Variants in PCDH7 observed in about 807,000 individuals in gnomAD.
PCDH7 encodes protocadherin-7.
In PCDH7, 17 loss-of-function variants were observed where a neutral mutation model predicts 58.9. The observed-to-expected ratio is 0.29, with a 90% confidence interval of 0.20 to 0.43. The LOEUF (loss-of-function observed/expected upper bound fraction) is 0.43, where lower values mean the gene tolerates loss of function less well. Among genes scored for constraint, PCDH7 ranks in the 20% least tolerant of loss-of-function variants. The pLI is 1.00. For synonymous variants in PCDH7, 664 were observed against 616.4 expected (o/e 1.08, Z -1.14); for missense variants, 1,274 against 1,441.0 (o/e 0.88, Z 1.88).
At chr4:31,079,005 G>C (rs986765759) in intron 3 of PCDH7, among the ~76,000 whole-genome samples, 2 of 151,696 alleles carry the variant, frequency 1.3e-5, no homozygotes, top group Admixed American at 6.6e-5. Context: ...TGTGATAATT[G>C]GGTGTAGGAA....
intron 1 of PCDH7, among the ~76,000 whole-genome samples, chr4:30,811,789 A>G (rs138066122): frequency 5.9e-5 from 9 of 152,318 alleles, no homozygotes; most frequent in African/African-American, 2.2e-4. Flanking sequence ...AGGGGCCATG[A>G]AAGTCCTAAT....
At chr4:31,010,628 C>T (rs1753099772) in intron 3 of PCDH7, among the ~76,000 whole-genome samples, 1 of 151,812 alleles carries the variant, frequency 6.6e-6, no homozygotes. Flanking sequence ...TGCATTTCAC[C>T]TAACACTAAA....
chr4:31,062,392 G>A (rs61794082), intron 3 of PCDH7, among the ~76,000 whole-genome samples: 259 of 151,770 alleles, frequency 1.7e-3, no homozygotes, highest in Non-Finnish European at 3.0e-3. Flanking sequence ...TTTGGGTGCA[G>A]GATATTTCTG....
chr4:30,776,858 G>GGTGTGTGTGTGTGTGT (rs57657077), intron 1 of PCDH7, among the ~76,000 whole-genome samples: 4 of 147,622 alleles, frequency 2.7e-5, no homozygotes, highest in African/African-American at 1.0e-4. Flanking sequence ...TTTGATATGT[G>GGTGTGTGTGTGTGTGT]GTGTGTGTGT....
intron 1 of PCDH7, among the ~76,000 whole-genome samples, chr4:30,797,600 C>G (rs1408066816): frequency 2.0e-5 from 3 of 152,136 alleles, no homozygotes; most frequent in East Asian, 3.9e-4. Context: ...TAATGAAATA[C>G]TGTGTGCATG....
At chr4:31,097,082 T>A (rs761748640) in intron 3 of PCDH7, among the ~76,000 whole-genome samples, 2 of 152,038 alleles carry the variant, frequency 1.3e-5, no homozygotes, top group African/African-American at 2.4e-5. Context: ...TTGCGCCTAG[T>A]TGTGCCATTG....
intron 2 of PCDH7, among the ~76,000 whole-genome samples, chr4:30,927,282 G>A (rs1743989358): frequency 6.6e-6 from 1 of 152,092 alleles, no homozygotes; most frequent in Non-Finnish European, 1.5e-5. Context: ...TGATGTTATT[G>A]CCAGATTTAT....
At chr4:31,039,819 T>A (rs1314639166) in intron 3 of PCDH7, among the ~76,000 whole-genome samples, 1 of 152,114 alleles carries the variant, frequency 6.6e-6, no homozygotes, top group African/African-American at 2.4e-5. Flanking sequence ...ACGGAGTAAA[T>A]TATAAGCAAT....
intron 1 of PCDH7, among the ~76,000 whole-genome samples, chr4:30,785,011 T>A (rs1368743104): frequency 6.6e-6 from 1 of 151,974 alleles, no homozygotes; most frequent in Non-Finnish European, 1.5e-5. Flanking sequence ...TAATCCAATT[T>A]TCAGGGCAAC....
At chr4:31,053,178 C>T (rs1322205526) in intron 3 of PCDH7, among the ~76,000 whole-genome samples, 2 of 152,028 alleles carry the variant, frequency 1.3e-5, no homozygotes, top group East Asian at 3.9e-4. Context: ...TCTACCTCGC[C>T]TCACTTCCAG....
chr4:31,103,568 C>G (rs2109303057), intron 3 of PCDH7, among the ~76,000 whole-genome samples: 1 of 152,192 alleles, frequency 6.6e-6, no homozygotes, highest in South Asian at 2.1e-4. Flanking sequence ...AACCTCCTGA[C>G]CTCAAGTGAT....
In PCDH7 at chr4:30,914,026, G is replaced by A. The variant is rs114330181; in HGVS notation, c.71-6127G>A. On this transcript the variant is annotated intron_variant, in intron 1 of 3. Coordinates refer to the PCDH7 transcript ENST00000509759. Reference sequence around the variant, plus strand: ...ACCCACATTTTAGGGCAGAGGGGAGGATATGAAAAGGCCACCATGTTCAGG... The same window carrying A: ...ACCCACATTTTAGGGCAGAGGGGAGAATATGAAAAGGCCACCATGTTCAGG... 4.5e-3 allele frequency among the ~76,000 whole-genome samples: 679 copies of A among 152,176 alleles called. 5 individuals carry two copies. The highest frequency in any genetic ancestry group is 0.016 in the African/African-American group (644 of 41,514).
intron 1 of PCDH7, among the ~76,000 whole-genome samples, chr4:30,763,557 C>T (rs1360124422): frequency 6.6e-6 from 1 of 152,232 alleles, no homozygotes; most frequent in Non-Finnish European, 1.5e-5. Context: ...CAGTGTTTCA[C>T]TAGCTTCAGC....
In PCDH7 at chr4:31,103,742, G is replaced by A. The variant is rs151081061; in HGVS notation, c.*8-38731G>A. On this transcript the variant is annotated intron_variant, in intron 3 of 3. Coordinates refer to the PCDH7 transcript ENST00000509759. ...TTTTATCTATTCCATTCCCCTCTATGAATATGACTGTTCCTCCAATAATGG... is the reference window on the plus strand; with the variant it reads ...TTTTATCTATTCCATTCCCCTCTATAAATATGACTGTTCCTCCAATAATGG... Among the ~76,000 whole-genome samples the A allele has an allele frequency of 1.2e-4, 18 of 152,166 alleles. No homozygotes were observed. In the East Asian group the frequency reaches 3.5e-3, roughly 29 times the overall value.
At chr4:31,078,778 G>GT (rs1759227303) in intron 3 of PCDH7, among the ~76,000 whole-genome samples, 1 of 150,616 alleles carries the variant, frequency 6.6e-6, no homozygotes, top group Admixed American at 6.7e-5. Context: ...AACAAATTTG[G>GT]TGATAGGAAG....
In PCDH7 at chr4:31,043,911, G is replaced by A. The variant is rs1359075566; in HGVS notation, c.*7+93696G>A. Among the ~76,000 whole-genome samples, 3 of 152,106 alleles carry A rather than the reference G, an allele frequency of 2.0e-5. No homozygotes were observed. The East Asian group carries it at 5.8e-4, about 29-fold the overall frequency. On this transcript the variant is annotated intron_variant, in intron 3 of 3. Transcript: ENST00000509759. ...AAGGCAATTGCTTTGTCATGGTAAAGGCATAGGCTAAAGTGTAAGGGACTT... is the reference window on the plus strand; with the variant it reads ...AAGGCAATTGCTTTGTCATGGTAAAAGCATAGGCTAAAGTGTAAGGGACTT...
intron 1 of PCDH7, among the ~76,000 whole-genome samples, chr4:30,885,623 T>G (rs1737620968): frequency 6.6e-6 from 1 of 152,058 alleles, no homozygotes; most frequent in Non-Finnish European, 1.5e-5. Flanking sequence ...AAAAACTACT[T>G]TAAAGTTCAT....
At position 30,723,619 on chromosome 4, in the gene PCDH7, A is replaced by G; in HGVS notation, c.2197A>G (p.Met733Val). 1 of 1,614,120 alleles carries G rather than the reference A, an allele frequency of 6.2e-7. No individual in the cohort carries two copies. Among genetic ancestry groups the G allele is most frequent in the Non-Finnish European group, 8.5e-7 (1 of 1,180,032 alleles). ...CACAGCTACAGTCTCGCTTTTTGTGATGGATGAAAATGACAATGCTCCCAC... is the reference window on the plus strand; with the variant it reads ...CACAGCTACAGTCTCGCTTTTTGTGGTGGATGAAAATGACAATGCTCCCAC... The change falls in exon 1 of 2, where the codon ATG (methionine) becomes GTG (valine). Residue 733 changes from methionine (M) to valine (V), a missense_variant. Met to Val is a conservative substitution (Grantham distance 21). Transcript: ENST00000361762. The surrounding 1 kb of genome is among the most constrained non-coding windows in gnomAD (Gnocchi z 4.6).
chr4:31,085,738 A>G (rs74612042), intron 3 of PCDH7, among the ~76,000 whole-genome samples: 11,762 of 152,214 alleles, frequency 0.077, 635 homozygotes, highest in South Asian at 0.18. Context: ...ATGGCAATTG[A>G]TTAACAAGTG....
Sources: allele counts gnomAD v4.1 joint callset (sites outside exome capture counted in the v4.1 genomes callset), GRCh38; gene constraint gnomAD v4.1.1; non-coding constraint Gnocchi (gnomAD v3.1); transcripts MANE v1.5; gene names NCBI Gene and HGNC (gene_info 2026-07-23, HGNC 2026-07-21).